SEC31B: variants seen among roughly 807,000 people sequenced by gnomAD.
SEC31B encodes the protein protein transport protein Sec31B.
Under a neutral mutation model 135.0 loss-of-function variants are expected in SEC31B, and 113 were observed. The observed-to-expected ratio is 0.84, with a 90% CI of 0.72 to 0.98. SEC31B has a LOEUF of 0.98. Among genes scored for constraint, SEC31B ranks in the 50% least tolerant of loss-of-function variants. SEC31B has a pLI of 0.00. For synonymous variants in SEC31B, 508 were observed against 549.4 expected (o/e 0.92, Z 1.05); for missense variants, 1,296 against 1,421.1 (o/e 0.91, Z 1.42).
At position 100,506,341 on chromosome 10, in the gene SEC31B, G is replaced by T. The variant is rs541591094; in HGVS notation, c.862C>A (p.Arg288=). ...CCTACCTCACTGCTCCCCAGGTTCC[G>T]GCACAAGATCTGGCTGTCCTTAGCA... The part of the protein sequence containing the change: ...TSAKDSQILC[R]NLGSSEVVYK... The change falls in exon 8 of 26, where the codon CGG becomes AGG. Residue 288 remains arginine (R), a synonymous_variant. Coordinates refer to ENST00000370345, the MANE Select transcript of SEC31B (RefSeq NM_015490.4). 1.2e-6 allele frequency: 2 copies of T among 1,614,078 alleles called. No individual in the cohort carries two copies. Among genetic ancestry groups the T allele is most frequent in the South Asian group, 2.2e-5 (2 of 91,070 alleles).
intron 25 of SEC31B, 66 bp from the exon 26 acceptor site, chr10:100,487,861 G>T (rs565274225): frequency 7.8e-5 from 123 of 1,586,454 alleles, no homozygotes; most frequent in Non-Finnish European, 1.1e-4. Context: ...GCATGGAAGG[G>T]ATAAGGGAAG....
intron 20 of SEC31B, 77 bp downstream of exon 20, chr10:100,490,629 A>C: frequency 7.2e-7 from 1 of 1,394,940 alleles, no homozygotes; most frequent in Non-Finnish European, 9.5e-7. Context: ...CAGCTTCCCA[A>C]ATCCATGCTG....
At position 100,499,163 on chromosome 10, in the gene SEC31B, G is replaced by C; in HGVS notation, c.1581C>G (p.Ser527Arg). 1 of 1,613,646 alleles carries C rather than the reference G, an allele frequency of 6.2e-7. No homozygotes were observed. Among genetic ancestry groups the C allele is most frequent in the Non-Finnish European group, 8.5e-7 (1 of 1,179,594 alleles). Reference sequence around the variant, plus strand: ...GCTGACTGGACTCCTACCACACCTGGCTGCAGAAGGCCTGTTGTCTGTCAC... The same window carrying C: ...GCTGACTGGACTCCTACCACACCTGCCTGCAGAAGGCCTGTTGTCTGTCAC... ...LNSDRQQAFCSQASKHTTKEA... is the reference protein window; with the variant it reads ...LNSDRQQAFCRQASKHTTKEA... The change falls in exon 13 of 26, where the codon AGC becomes AGG. Residue 527 changes from serine to arginine, a missense_variant. Coordinates refer to ENST00000370345, the MANE Select transcript of SEC31B (RefSeq NM_015490.4).
chr10:100,487,936 C>T lies in SEC31B; in HGVS notation c.3360+91G>A, dbSNP rs1197692534. On this transcript the variant is annotated intron_variant, in intron 25 of 25. Coordinates refer to ENST00000370345, the MANE Select transcript of SEC31B (RefSeq NM_015490.4). Reference sequence around the variant, plus strand: ...TTTTGTGGGGAACCCAGGTCAGTGACACCTATGGGAAGAAAAGACACTGGG... The same window carrying T: ...TTTTGTGGGGAACCCAGGTCAGTGATACCTATGGGAAGAAAAGACACTGGG... 4 of 1,520,220 alleles carry T rather than the reference C, an allele frequency of 2.6e-6. No homozygotes were observed. In the African/African-American group the frequency reaches 5.5e-5, roughly 21 times the overall value. The allele number at this position is 1,520,220 out of a possible 1,614,324, so 94.2% of individuals were successfully genotyped here. A position where few individuals can be genotyped will look rare whatever the true frequency, so the allele number is the denominator to read the frequency against.
chr10:100,498,424 GCA>G (rs1851455057), intron 14 of SEC31B: 1 of 612,604 alleles, frequency 1.6e-6, no homozygotes, highest in Non-Finnish European at 2.9e-6. Flanking sequence ...TGTGGCAGTA[GCA>G]CAGTGTGAGG....
intron 12 of SEC31B, 52 bp from the exon 13 acceptor site, chr10:100,499,310 G>T: frequency 7.2e-7 from 1 of 1,395,924 alleles, no homozygotes; most frequent in Non-Finnish European, 1.0e-6. Context: ...GATCAAATAA[G>T]CATTATCCTC....
intron 10 of SEC31B, 70 bp downstream of exon 10, chr10:100,505,291 G>C (rs1442089371): frequency 3.9e-6 from 6 of 1,554,348 alleles, no homozygotes; most frequent in African/African-American, 2.8e-5. Context: ...CACATGGTAG[G>C]CTTCACAAAC....
At chr10:100,507,853 T>C in intron 6 of SEC31B, 55 bp downstream of exon 6, 1 of 1,611,624 alleles carries the variant, frequency 6.2e-7, no homozygotes, top group South Asian at 1.1e-5. Context: ...CTCTAACTGC[T>C]AGGCAGGAGA....
chr10:100,497,026 G>T, intron 17 of SEC31B, 109 bp downstream of exon 17: 1 of 1,340,250 alleles, frequency 7.5e-7, no homozygotes, highest in Non-Finnish European at 1.0e-6. Flanking sequence ...CTAACACCGT[G>T]GTTCCAGCCT....
rs745402183 is a variant in SEC31B at position 100,497,720 on chromosome 10, G to A, written c.1937C>T (p.Ala646Val). The A allele has an allele frequency of 6.2e-7, 1 of 1,614,218 alleles. No individual in the cohort carries two copies. The highest frequency in any genetic ancestry group is 1.1e-5 in the South Asian group (1 of 91,082). The change falls in exon 16 of 26, where the codon GCA becomes GTA. Residue 646 changes from alanine to valine, a missense_variant. Transcript: ENST00000370345. Reference protein sequence around the residue: ...CTCSLKNWREALALLLTYSGT... With the variant: ...CTCSLKNWREVLALLLTYSGT... ...TGAGTATGTCAGTAGCAAAGCCAGTGCCTCTCTCCAGTTCTTCAGGCTACA... is the reference window on the plus strand; with the variant it reads ...TGAGTATGTCAGTAGCAAAGCCAGTACCTCTCTCCAGTTCTTCAGGCTACA...
chr10:100,495,567 G>A (rs759721882), intron 18 of SEC31B, 21 bp from the exon 19 acceptor site: 30 of 1,605,092 alleles, frequency 1.9e-5, no homozygotes, highest in Non-Finnish European at 2.5e-5. Context: ...TAATGAGGAA[G>A]AGCTGTGTCA....
chr10:100,499,247 C>T lies in SEC31B; in HGVS notation c.1497G>A (p.Trp499Ter). The change falls in exon 13 of 26, where the codon TGG (tryptophan) becomes TGA (stop). Residue 499 changes from tryptophan (W) to a stop codon, truncating the protein, a stop_gained. Coordinates refer to ENST00000370345, the MANE Select transcript of SEC31B (RefSeq NM_015490.4). LOFTEE classifies it high-confidence loss of function. ...KDELQKKVAT[W>*]LKSDVGLGES... Reference sequence around the variant, plus strand: ...CACCTAGCCCCACGTCACTCTTCAACCATGTGGCCACCTGCAGGGAGAGAC... The same window carrying T: ...CACCTAGCCCCACGTCACTCTTCAATCATGTGGCCACCTGCAGGGAGAGAC... 4 of 1,612,450 alleles carry T rather than the reference C, an allele frequency of 2.5e-6. No homozygotes were observed. The highest frequency in any genetic ancestry group is 3.4e-6 in the Non-Finnish European group (4 of 1,179,260).
At chr10:100,505,828 A>G in intron 9 of SEC31B, 1 of 1,469,110 alleles carries the variant, frequency 6.8e-7, no homozygotes. Context: ...GGCCCATCCA[A>G]TAACAAGAGT....
intron 5 of SEC31B, 125 bp downstream of exon 5, chr10:100,508,882 G>A (rs544464999): frequency 5.3e-5 from 38 of 723,744 alleles, no homozygotes; most frequent in African/African-American, 2.8e-4. Context: ...AGTCTGTGGA[G>A]CTTTATTGCC....
chr10:100,489,960 C>G (rs1402972673), intron 21 of SEC31B, 48 bp downstream of exon 21: 2 of 1,532,644 alleles, frequency 1.3e-6, no homozygotes, highest in East Asian at 2.3e-5. Flanking sequence ...GTGAGAGGAG[C>G]AGGGGAGGCA....
At chr10:100,515,041 C>T (rs1051828996) in intron 3 of SEC31B, among the ~76,000 whole-genome samples, 4 of 151,474 alleles carry the variant, frequency 2.6e-5, no homozygotes, top group African/African-American at 9.7e-5. Flanking sequence ...CCTATAGTCC[C>T]AGCACTTTGG....
chr10:100,487,237 T>G lies in SEC31B; in HGVS notation c.*379A>C. 4.8e-6 allele frequency: 1 copy of G among 209,088 alleles called. No homozygotes were observed. Among genetic ancestry groups the G allele is most frequent in the Non-Finnish European group, 9.6e-6 (1 of 103,832 alleles). The allele number at this position is 209,088 out of a possible 1,614,324, so 13.0% of individuals were successfully genotyped here. A position where few individuals can be genotyped will look rare whatever the true frequency, so the allele number is the denominator to read the frequency against. On this transcript the variant is annotated 3_prime_UTR_variant, in exon 26 of 26. Coordinates refer to ENST00000370345, the MANE Select transcript of SEC31B (RefSeq NM_015490.4). ...AGAAGGGAGAAACAAAAGACCCACA[T>G]GATGGGTCACAGCAGAGGTAGGCTT...
rs770014088 is a variant in SEC31B at position 100,498,766 on chromosome 10, T to C, written c.1623A>G (p.Ser541=). Residue 541 remains serine, a synonymous_variant, in exon 14 of 26, where the codon TCA becomes TCG. Coordinates refer to ENST00000370345, the MANE Select transcript of SEC31B (RefSeq NM_015490.4). ...KHTTKEASAS[S]AFFDELVPQN... ...GAGGGACCAGCTCATCAAAGAAGGC[T>C]GAGGAAGCAGAGGCTTCCTTTGTGG... 10 of 1,613,848 alleles carry C rather than the reference T, an allele frequency of 6.2e-6. No individual in the cohort carries two copies. The highest frequency in any genetic ancestry group is 1.7e-5 in the Admixed American group (1 of 59,998).
chr10:100,497,804 C>T lies in SEC31B; in HGVS notation c.1864-11G>A. On this transcript the variant is annotated splice_polypyrimidine_tract_variant and intron_variant, in intron 15 of 25. Transcript: ENST00000370345. ...AACACAGGCTAGAAGCTGTAATGGG[C>T]AGAGAGGGAAAGAGACCATCAGCCA... The T allele has an allele frequency of 3.7e-6, 6 of 1,614,186 alleles. No homozygotes were observed. The highest frequency in any genetic ancestry group is 5.1e-6 in the Non-Finnish European group (6 of 1,180,036).
Sources: allele counts gnomAD v4.1 joint callset (sites outside exome capture counted in the v4.1 genomes callset), GRCh38; gene constraint gnomAD v4.1.1; transcripts MANE v1.5; gene names NCBI Gene and HGNC (gene_info 2026-07-23, HGNC 2026-07-21).